Variants in MPDZ observed in about 807,000 individuals in gnomAD.
MPDZ encodes the protein multiple PDZ domain crumbs cell polarity complex component.
MPDZ carries 234 observed loss-of-function variants against 239.1 expected under a neutral mutation model. The ratio of observed to expected loss-of-function variants is 0.98; its 90% CI spans 0.88 to 1.09. The LOEUF (loss-of-function observed/expected upper bound fraction) is 1.09, where lower values mean the gene tolerates loss of function less well. MPDZ is among the 50% of genes least tolerant of loss of function. The probability of loss-of-function intolerance (pLI) is 0.00; values close to 1 mark genes in which losing one functional copy is unlikely to be tolerated. For synonymous variants in MPDZ, 1,048 were observed against 881.3 expected (o/e 1.19, Z -3.35); for missense variants, 3,175 against 2,510.0 (o/e 1.26, Z -5.66).
intron 1 of MPDZ, among the ~76,000 whole-genome samples, chr9:13,257,810 T>C (rs1286815298): frequency 6.6e-6 from 1 of 152,234 alleles, no homozygotes; most frequent in East Asian, 1.9e-4. Flanking sequence ...AAATGAATAA[T>C]TTTTTAGTGT....
At chr9:13,110,490 A>G in intron 44 of MPDZ, 146 bp downstream of exon 44, 2 of 665,064 alleles carry the variant, frequency 3.0e-6, no homozygotes, top group Non-Finnish European at 5.2e-6. Context: ...ACTTTATTGG[A>G]ACTCTTAATT....
intron 30 of MPDZ, 82 bp from the exon 31 acceptor site, chr9:13,136,264 G>C (rs1946729180): frequency 3.9e-6 from 3 of 777,302 alleles, no homozygotes; most frequent in East Asian, 4.0e-5. Context: ...AAGGTTATTA[G>C]AGAAAATTAT....
intron 3 of MPDZ, among the ~76,000 whole-genome samples, chr9:13,228,055 G>A (rs1961187339): frequency 6.6e-6 from 1 of 152,032 alleles, no homozygotes; most frequent in Non-Finnish European, 1.5e-5. Context: ...TGCCACAAAT[G>A]TTTAATGAAA....
intron 43 of MPDZ, among the ~76,000 whole-genome samples, chr9:13,111,043 A>C (rs1381402245): frequency 2.6e-5 from 4 of 152,324 alleles, no homozygotes; most frequent in Admixed American, 6.5e-5. Flanking sequence ...AGAAAAAAAA[A>C]TTCACTATCA....
intron 29 of MPDZ, 131 bp downstream of exon 29, chr9:13,137,826 A>C: frequency 1.1e-6 from 1 of 902,790 alleles, no homozygotes; most frequent in Non-Finnish European, 1.7e-6. Flanking sequence ...GATTTGCTGC[A>C]ATGCATCTAT....
At chr9:13,133,798 T>C in intron 32 of MPDZ, 26 bp downstream of exon 32, 1 of 1,510,396 alleles carries the variant, frequency 6.6e-7, no homozygotes, top group Non-Finnish European at 9.2e-7. Flanking sequence ...CTCACATCAT[T>C]TCATTCCAAT....
intron 3 of MPDZ, among the ~76,000 whole-genome samples, chr9:13,234,550 A>T (rs997485705): frequency 6.6e-6 from 1 of 152,176 alleles, no homozygotes; most frequent in African/African-American, 2.4e-5. Context: ...TATAGCAGTA[A>T]GAATAAAATG....
chr9:13,219,996 T>G (rs994252789), intron 7 of MPDZ, among the ~76,000 whole-genome samples: 4 of 152,022 alleles, frequency 2.6e-5, no homozygotes, highest in African/African-American at 9.7e-5. Context: ...ATAGTCCATA[T>G]GAACTTTTCA....
At chr9:13,118,072 G>A (rs576487777) in intron 39 of MPDZ, among the ~76,000 whole-genome samples, 16 of 152,178 alleles carry the variant, frequency 1.1e-4, no homozygotes, top group Admixed American at 5.2e-4. Flanking sequence ...TCGAACTCCC[G>A]ACGTCAGGTG....
rs1554669676 is a variant in MPDZ, at chr9:13,160,869, T to TATATAA, written c.3359+1821_3359+1822insTTATAT. On this transcript the variant is annotated intron_variant, in intron 23 of 46. Coordinates refer to ENST00000319217, the MANE Select transcript of MPDZ (RefSeq NM_001378778.1). ...ATATATATATATATATATATATATA[T>TATATAA]AAAACAGGTACTTACATAGCTTTTA... 7.7e-4 allele frequency among the ~76,000 whole-genome samples: 99 copies of TATATAA among 127,784 alleles called. 2 individuals carry two copies. Among genetic ancestry groups the TATATAA allele is most frequent in the South Asian group, 5.2e-3 (20 of 3,812 alleles). 83.8% of individuals were successfully genotyped at this position (127,784 alleles called of 152,430 possible).
At position 13,161,995 on chromosome 9, in the gene MPDZ, G is replaced by A. The variant is rs150111232; in HGVS notation, c.3359+696C>T. On this transcript the variant is annotated intron_variant, in intron 23 of 46. Transcript: ENST00000319217. ...AAAATGTTTCTGGTCTAGGCATGGT[G>A]GTGCATGCCTGTGAATCCCAGCACT... Among the ~76,000 whole-genome samples the A allele has an allele frequency of 1.5e-3, 234 of 152,208 alleles. 6 individuals carry two copies. The East Asian group carries it at 0.039, about 25-fold the overall frequency.
intron 10 of MPDZ, among the ~76,000 whole-genome samples, chr9:13,212,158 C>T (rs1957696931): frequency 6.6e-6 from 1 of 151,986 alleles, no homozygotes; most frequent in Non-Finnish European, 1.5e-5. Flanking sequence ...TTAATAACAA[C>T]TTAAAATATG....
chr9:13,121,844 T>C lies in MPDZ; in HGVS notation c.5126A>G (p.Tyr1709Cys), dbSNP rs1944395813. Residue 1709 changes from tyrosine to cysteine, a missense_variant, in exon 38 of 47, where the codon TAC (tyrosine) becomes TGC (cysteine). Transcript: ENST00000319217. ...CTCTTTGTATGGGGCCTCATCTCTG[T>C]AGAGTGTCAGGCGCACTCTCTGTGG... Reference protein sequence around the residue: ...QTPQRVRLTLYRDEAPYKEEE... With the variant: ...QTPQRVRLTLCRDEAPYKEEE... 2 of 1,613,918 alleles carry C rather than the reference T, an allele frequency of 1.2e-6. No individual in the cohort carries two copies. Among genetic ancestry groups the C allele is most frequent in the East Asian group, 2.2e-5 (1 of 44,878 alleles).
At chr9:13,255,873 T>A (rs1339962473) in intron 1 of MPDZ, among the ~76,000 whole-genome samples, 1 of 152,226 alleles carries the variant, frequency 6.6e-6, no homozygotes, top group Non-Finnish European at 1.5e-5. Context: ...GACATCACCA[T>A]CTGCATTAGC....
Position 13,279,479 on chromosome 9 carries a change from G to A in MPDZ, c.-137C>T, listed in dbSNP as rs1205020096. 1 of 148,568 alleles carries A rather than the reference G, an allele frequency of 6.7e-6. No individual in the cohort carries two copies. Among genetic ancestry groups the A allele is most frequent in the Non-Finnish European group, 1.5e-5 (1 of 66,722 alleles). 9.2% of individuals were successfully genotyped at this position (148,568 alleles called of 1,614,324 possible). ...GCAGGGGTCGCCGGGGCCTCTGGAT[G>A]CCTCGCCTCGCCCACGCTCACTGTC... On this transcript the variant is annotated 5_prime_UTR_variant, in exon 1 of 47. Transcript: ENST00000319217.
chr9:13,107,182 C>T (rs1172491447), intron 46 of MPDZ, 71 bp from the exon 47 acceptor site: 3 of 1,469,766 alleles, frequency 2.0e-6, no homozygotes, highest in Non-Finnish European at 2.8e-6. Flanking sequence ...AGAAAAAGAT[C>T]TCAACAGGAA....
At chr9:13,185,469 C>T (rs1437623008) in intron 18 of MPDZ, among the ~76,000 whole-genome samples, 1 of 152,006 alleles carries the variant, frequency 6.6e-6, no homozygotes. Context: ...CAAGTATATT[C>T]CTTTTTAGCA....
intron 31 of MPDZ, chr9:13,135,847 G>A: frequency 3.2e-6 from 1 of 315,712 alleles, no homozygotes; most frequent in Non-Finnish European, 5.7e-6. Flanking sequence ...CTTTTCAGAG[G>A]CAGAACTGAT....
Position 13,221,434 on chromosome 9 carries a change from T to A in MPDZ, c.814A>T (p.Ile272Leu). Residue 272 changes from isoleucine to leucine, a missense_variant, in exon 7 of 47, where the codon ATA becomes TTA. Coordinates refer to ENST00000319217, the MANE Select transcript of MPDZ (RefSeq NM_001378778.1). The stretch of plus-strand genomic sequence containing the variant: ...ATCACACCAGTTGCTTTTCCTCCTA[T>A]GATGCCAAATCCCAAACCAGATCCA... The part of the protein sequence containing the change: ...NDGSGLGFGI[I>L]GGKATGVIVK... The A allele has an allele frequency of 6.2e-7, 1 of 1,611,522 alleles. No individual in the cohort carries two copies. The highest frequency in any genetic ancestry group is 8.5e-7 in the Non-Finnish European group (1 of 1,178,402).
Sources: allele counts gnomAD v4.1 joint callset (sites outside exome capture counted in the v4.1 genomes callset), GRCh38; gene constraint gnomAD v4.1.1; transcripts MANE v1.5; gene names NCBI Gene and HGNC (gene_info 2026-07-23, HGNC 2026-07-21).